The following NECTIN3 variants were observed in gnomAD, a reference collection of about 807,000 sequenced individuals.
NECTIN3 encodes nectin-3.
A neutral mutation model predicts 49.4 loss-of-function variants in NECTIN3; 8 were observed. The observed-to-expected ratio is 0.16, with a 90% CI of 0.10 to 0.29. NECTIN3 has a LOEUF of 0.29. NECTIN3 is among the 10% of genes least tolerant of loss of function. The pLI is 1.00. For missense variants in NECTIN3, 581 were observed against 654.6 expected (o/e 0.89, Z 1.23); for synonymous variants, 277 against 241.1 (o/e 1.15, Z -1.38).
chr3:111,117,260 A>G (rs2033726247), intron 2 of NECTIN3, among the ~76,000 whole-genome samples: 1 of 152,124 alleles, frequency 6.6e-6, no homozygotes, highest in South Asian at 2.1e-4. Flanking sequence ...GTCCAATTCC[A>G]TTCTTAGAAA....
downstream of NECTIN3, among the ~76,000 whole-genome samples, chr3:111,138,601 C>T (rs777521424): frequency 2.6e-5 from 4 of 151,396 alleles, no homozygotes; most frequent in Non-Finnish European, 4.4e-5. Flanking sequence ...CTTGAACCTT[C>T]GTGACAGTTA....
At chr3:111,084,827 G>GA (rs1398374402) in intron 1 of NECTIN3, among the ~76,000 whole-genome samples, 1 of 152,140 alleles carries the variant, frequency 6.6e-6, no homozygotes, top group Non-Finnish European at 1.5e-5. Flanking sequence ...ATTGATGTAG[G>GA]AATTAGATGT....
chr3:111,072,628 T>C, intron 1 of NECTIN3: 1 of 1,488,332 alleles, frequency 6.7e-7, no homozygotes, highest in Non-Finnish European at 9.0e-7. Flanking sequence ...GGTCCACTTC[T>C]CATGGCCTTC....
chr3:111,191,811 T>G (rs778218780), upstream of NECTIN3, among the ~76,000 whole-genome samples: 25 of 152,198 alleles, frequency 1.6e-4, no homozygotes, highest in Non-Finnish European at 3.1e-4. Flanking sequence ...TGAGAACTTC[T>G]GCAGCAGATG....
At chr3:111,109,178 T>C (rs2033348922) in intron 1 of NECTIN3, among the ~76,000 whole-genome samples, 1 of 152,094 alleles carries the variant, frequency 6.6e-6, no homozygotes. Flanking sequence ...AGTCCAATCA[T>C]GGGGAGCCCA....
At chr3:111,155,809 A>G (rs2035084962) in intron 7 of NECTIN3, among the ~76,000 whole-genome samples, 1 of 152,142 alleles carries the variant, frequency 6.6e-6, no homozygotes, top group Admixed American at 6.5e-5. Flanking sequence ...AGAGTTACCC[A>G]AGGTAGGTAT....
intron 1 of NECTIN3, among the ~76,000 whole-genome samples, chr3:111,102,537 G>T (rs1342099991): frequency 6.6e-6 from 1 of 152,206 alleles, no homozygotes; most frequent in Non-Finnish European, 1.5e-5. Context: ...CTCCACTCAG[G>T]CAGCTGAAAG....
chr3:111,122,823 GT>G (rs2034011334), intron 4 of NECTIN3, among the ~76,000 whole-genome samples: 1 of 151,888 alleles, frequency 6.6e-6, no homozygotes, highest in South Asian at 2.1e-4. Context: ...TTATACCAAG[GT>G]TTTTATTCAT....
intron 1 of NECTIN3, among the ~76,000 whole-genome samples, chr3:111,080,731 A>G (rs1429067489): frequency 6.6e-6 from 1 of 151,308 alleles, no homozygotes; most frequent in Non-Finnish European, 1.5e-5. Context: ...ATTGGGGACT[A>G]TTGAGCAACA....
chr3:111,160,693 C>G (rs1262988616), intron 7 of NECTIN3, among the ~76,000 whole-genome samples: 1 of 151,950 alleles, frequency 6.6e-6, no homozygotes, highest in Non-Finnish European at 1.5e-5. Context: ...AAAATTGGAA[C>G]TAATGGGAGA....
At chr3:111,109,582 A>G (rs1430961556) in intron 1 of NECTIN3, among the ~76,000 whole-genome samples, 1 of 151,692 alleles carries the variant, frequency 6.6e-6, no homozygotes, top group Non-Finnish European at 1.5e-5. Context: ...TATTTTGCTC[A>G]TGCTCTTTCA....
chr3:111,099,564 A>G (rs1449851787), intron 1 of NECTIN3, among the ~76,000 whole-genome samples: 1 of 152,212 alleles, frequency 6.6e-6, no homozygotes, highest in Admixed American at 6.5e-5. Context: ...ATCAATAAAT[A>G]TTTGAACACT....
intron 7 of NECTIN3, among the ~76,000 whole-genome samples, chr3:111,165,496 G>T (rs78529136): frequency 0.027 from 4,044 of 152,236 alleles, 123 homozygotes; most frequent in African/African-American, 0.078. Context: ...GAAAGAACCA[G>T]AATATGTATG....
At position 111,102,460 on chromosome 3, in the gene NECTIN3, T is replaced by C. The variant is rs1356239260; in HGVS notation, c.161-9570T>C. Among the ~76,000 whole-genome samples the C allele has an allele frequency of 2.0e-5, 3 of 152,246 alleles. No individual in the cohort carries two copies. In the East Asian group the frequency reaches 5.8e-4, roughly 29 times the overall value. ...CATCAACTCCCTTGCCTGTTTCTCTTTTAAATTGTGCATGCCTGGTAAAAT... is the reference window on the plus strand; with the variant it reads ...CATCAACTCCCTTGCCTGTTTCTCTCTTAAATTGTGCATGCCTGGTAAAAT... On this transcript the variant is annotated intron_variant, in intron 1 of 5. Coordinates refer to ENST00000485303, the MANE Select transcript of NECTIN3 (RefSeq NM_015480.3).
At chr3:111,192,756 C>T (rs2035835705) in intron 1 of NECTIN3, among the ~76,000 whole-genome samples, 1 of 152,088 alleles carries the variant, frequency 6.6e-6, no homozygotes, top group Non-Finnish European at 1.5e-5. Context: ...GTTCAAATGC[C>T]AGTTCATTTT....
At chr3:111,100,439 T>G (rs938441073) in intron 1 of NECTIN3, among the ~76,000 whole-genome samples, 1 of 152,122 alleles carries the variant, frequency 6.6e-6, no homozygotes. Flanking sequence ...TGTGTAAAAT[T>G]ACTTTCAAGC....
chr3:111,189,235 A>G (rs1377532220), upstream of NECTIN3, among the ~76,000 whole-genome samples: 1 of 152,172 alleles, frequency 6.6e-6, no homozygotes. Context: ...AAGTCACACT[A>G]TTAGACATGA....
At chr3:111,131,009 G>A (rs1390331505) in intron 5 of NECTIN3, among the ~76,000 whole-genome samples, 3 of 152,002 alleles carry the variant, frequency 2.0e-5, no homozygotes, top group South Asian at 2.1e-4. Flanking sequence ...GGATCCAAGT[G>A]TAGTTTCAAA....
At chr3:111,113,928 A>G (rs1314763361) in intron 2 of NECTIN3, among the ~76,000 whole-genome samples, 1 of 152,112 alleles carries the variant, frequency 6.6e-6, no homozygotes. Context: ...AGTTGCAGTG[A>G]GCCGAGATTA....
Sources: gnomAD v4.1 joint callset for allele counts (sites outside exome capture counted in the v4.1 genomes callset) on GRCh38, gnomAD v4.1.1 for gene constraint, MANE v1.5 for transcripts, NCBI Gene and HGNC (gene_info 2026-07-23, HGNC 2026-07-21) for gene names.